ZNF75A: variants seen among roughly 807,000 people sequenced by gnomAD.
ZNF75A encodes zinc finger protein 75A.
ZNF75A carries 36 observed loss-of-function variants against 46.3 expected under a neutral mutation model. The observed-to-expected ratio is 0.78, with a 90% CI of 0.60 to 1.03. ZNF75A has a LOEUF of 1.03. ZNF75A is among the 50% of genes least tolerant of loss of function. ZNF75A has a pLI of 0.00. For synonymous variants in ZNF75A, 234 were observed against 189.9 expected, an observed-to-expected ratio of 1.23 and a Z score of -1.91; for missense variants, 595 against 551.3, an observed-to-expected ratio of 1.08 and a Z score of -0.79.
chr16:3,317,165 T>A, intron 6 of ZNF75A, 25 bp from the exon 7 acceptor site: 1 of 1,583,674 alleles, frequency 6.3e-7, no homozygotes, highest in Non-Finnish European at 8.6e-7. Flanking sequence ...GGGATACAGA[T>A]GTGTGATTAT....
downstream of ZNF75A, among the ~76,000 whole-genome samples, chr16:3,321,167 AAAATG>A (rs1260557356): frequency 1.3e-5 from 2 of 152,248 alleles, no homozygotes; most frequent in African/African-American, 2.4e-5. Flanking sequence ...GCTTGCTTTA[AAAATG>A]AAATGAGAGA....
At position 3,312,692 on chromosome 16, in the gene ZNF75A, A is replaced by G; in HGVS notation, c.620A>G (p.Gln207Arg). ...PVYERAVPTQ[Q>R]ILAFPEQTNT... is the part of the protein sequence containing the mutation. ...CCCCCCACAGCTGTGCCTACTCAAC[A>G]GATTCTAGCTTTTCCTGAGCAAACA... is the stretch of plus-strand genomic sequence containing the variant. The change falls in exon 4 of 7, where the codon CAG (glutamine) becomes CGG (arginine). Residue 207 changes from glutamine (Q) to arginine (R), a missense_variant. Transcript: ENST00000669516. The G allele has an allele frequency of 9.9e-7, 1 of 1,014,926 alleles. No homozygotes were observed. Among genetic ancestry groups the G allele is most frequent in the South Asian group, 4.2e-5 (1 of 24,090 alleles). The allele number at this position is 1,014,926 out of a possible 1,614,324, so 62.9% of individuals were successfully genotyped here.
chr16:3,322,569 T>A (rs565770242), downstream of ZNF75A, among the ~76,000 whole-genome samples: 51 of 152,326 alleles, frequency 3.3e-4, no homozygotes, highest in Admixed American at 3.1e-3. Flanking sequence ...CATTTCAGAT[T>A]TAAGAAAACT....
intron 5 of ZNF75A, among the ~76,000 whole-genome samples, chr16:3,314,510 A>G (rs1054251483): frequency 6.6e-6 from 1 of 152,190 alleles, no homozygotes; most frequent in Non-Finnish European, 1.5e-5. Flanking sequence ...TGTTAGCCCC[A>G]GAGGTTCTAC....
At chr16:3,320,258 A>C (rs1350562261), downstream of ZNF75A, among the ~76,000 whole-genome samples, 1 of 152,080 alleles carries the variant, frequency 6.6e-6, no homozygotes, top group Admixed American at 6.5e-5. Context: ...GTTAGCCAGG[A>C]TGGTCTTGGT....
chr16:3,311,217 T>C (rs57500518), intron 2 of ZNF75A, among the ~76,000 whole-genome samples: 4,900 of 151,910 alleles, frequency 0.032, 301 homozygotes, highest in African/African-American at 0.11. Context: ...GTGGGCAGAT[T>C]ACCTGAGTTT....
chr16:3,321,873 G>T (rs762455594), downstream of ZNF75A, among the ~76,000 whole-genome samples: 6 of 152,216 alleles, frequency 3.9e-5, no homozygotes, highest in Non-Finnish European at 8.8e-5. Context: ...GAACTACTGA[G>T]AACAGTGTTT....
Position 3,317,290 on chromosome 16 carries a change from A to G in ZNF75A, c.1035A>G (p.Val345=), listed in dbSNP as rs555731061. The change falls in exon 7 of 7, where the codon GTA becomes GTG. Residue 345 remains valine (V), a synonymous_variant. Coordinates refer to ENST00000669516, the MANE Select transcript of ZNF75A (RefSeq NM_001302109.2). ...SAGVISKKAK[V]KVPQKTAGKE... ...GCGTCATATCAAAAAAGGCCAAAGT[A>G]AAAGTTCCCCAGAAAACAGCAGGCA... The G allele has an allele frequency of 1.5e-5, 24 of 1,614,130 alleles. No homozygotes were observed. Among genetic ancestry groups the G allele is most frequent in the Admixed American group, 5.0e-5 (3 of 60,020 alleles).
At chr16:3,321,709 TC>T (rs2029952659), downstream of ZNF75A, among the ~76,000 whole-genome samples, 1 of 152,126 alleles carries the variant, frequency 6.6e-6, no homozygotes, top group African/African-American at 2.4e-5. Flanking sequence ...GCTCAAGTGA[TC>T]CTCCTGCATT....
chr16:3,306,762 G>T (rs1457987090), intron 1 of ZNF75A: 11 of 151,934 alleles, frequency 7.2e-5, no homozygotes, highest in African/African-American at 2.2e-4. Context: ...CCCTTTATGT[G>T]TGTTGCAAAG....
chr16:3,321,371 C>T (rs573756110), downstream of ZNF75A, among the ~76,000 whole-genome samples: 5 of 152,266 alleles, frequency 3.3e-5, no homozygotes, highest in South Asian at 2.1e-4. Flanking sequence ...TCATTGACCC[C>T]GTCTAGTCTC....
rs1961092345 is a variant in ZNF75A, at chr16:3,314,988, A to G, written c.823+1813A>G. On this transcript the variant is annotated intron_variant, in intron 5 of 6. Transcript: ENST00000669516. ...CAGGAGCTGGTTGATTCTCAACTAG[A>G]TAGTGTAGCGGAGGGTGTAGGTGGT... 5 of 985,220 alleles carry G rather than the reference A, an allele frequency of 5.1e-6. No homozygotes were observed. The East Asian group carries it at 3.4e-4, about 67-fold the overall frequency. The allele number at this position is 985,220 out of a possible 1,614,324, so 61.0% of individuals were successfully genotyped here.
Position 3,318,452 on chromosome 16 carries a change from G to A in ZNF75A, c.*583G>A. The A allele has an allele frequency of 7.1e-6, 7 of 985,432 alleles. No individual in the cohort carries two copies. Among genetic ancestry groups the A allele is most frequent in the Non-Finnish European group, 8.4e-6 (7 of 829,958 alleles). The allele number at this position is 985,432 out of a possible 1,614,324, so 61.0% of individuals were successfully genotyped here. A position where few individuals can be genotyped will look rare whatever the true frequency, so the allele number is the denominator to read the frequency against. On this transcript the variant is annotated 3_prime_UTR_variant, in exon 7 of 7. Transcript: ENST00000669516. ...ATGCACTGTCTTATGCCTCTCATTG[G>A]TGATGTTTGGAAAATAGAAGACATC...
chr16:3,315,206 T>G, intron 5 of ZNF75A: 1 of 573,924 alleles, frequency 1.7e-6, no homozygotes, highest in Non-Finnish European at 2.2e-6. Context: ...TTTTTTTTTT[T>G]TTTGAGATGG....
At position 3,311,760 on chromosome 16, in the gene ZNF75A, T is replaced by C; in HGVS notation, c.416T>C (p.Val139Ala). 3 of 1,050,210 alleles carry C rather than the reference T, an allele frequency of 2.9e-6. No homozygotes were observed. Among genetic ancestry groups the C allele is most frequent in the Non-Finnish European group, 3.5e-6 (3 of 862,906 alleles). 65.1% of individuals were successfully genotyped at this position (1,050,210 alleles called of 1,614,324 possible). The change falls in exon 3 of 7, where the codon GTC (valine) becomes GCC (alanine). Residue 139 changes from valine (V) to alanine (A), a missense_variant. Coordinates refer to ENST00000669516, the MANE Select transcript of ZNF75A (RefSeq NM_001302109.2). ...ESGQTWNGVAVHELGKEAVLL... is the reference protein window; with the variant it reads ...ESGQTWNGVAAHELGKEAVLL... ...GATGGGAATTATTTCTAGGTTGCAGTCCATGAGCTGGGAAAGGAGGCAGTG... is the reference window on the plus strand; with the variant it reads ...GATGGGAATTATTTCTAGGTTGCAGCCCATGAGCTGGGAAAGGAGGCAGTG...
At chr16:3,322,972 A>G (rs1477953737), downstream of ZNF75A, 1 of 980,852 alleles carries the variant, frequency 1.0e-6, no homozygotes, top group Non-Finnish European at 1.2e-6. Context: ...GCCAATGTAG[A>G]AAATGCTGGA....
At chr16:3,309,822 A>G (rs893180249) in intron 2 of ZNF75A, among the ~76,000 whole-genome samples, 4 of 151,818 alleles carry the variant, frequency 2.6e-5, no homozygotes, top group Admixed American at 2.6e-4. Context: ...AAAAGGAGAA[A>G]TTGGCCAGGT....
Position 3,308,500 on chromosome 16 carries a change from G to T in ZNF75A, c.72G>T (p.Gly24=), listed in dbSNP as rs1960457852. The T allele has an allele frequency of 4.9e-5, 48 of 985,730 alleles. No homozygotes were observed. Among genetic ancestry groups the T allele is most frequent in the Non-Finnish European group, 5.5e-5 (46 of 829,962 alleles). The allele number at this position is 985,730 out of a possible 1,614,324, so 61.1% of individuals were successfully genotyped here. A position where few individuals can be genotyped will look rare whatever the true frequency, so the allele number is the denominator to read the frequency against. The part of the protein sequence containing the change: ...PQIRALWETK[G]PARESSGQSK... ...TCAGGGCTTTGTGGGAGACCAAGGG[G>T]CCTGCAAGAGAGAGCTCCGGTCAGA... Residue 24 remains glycine, a synonymous_variant, in exon 2 of 7, where the codon GGG becomes GGT. Transcript: ENST00000669516.
At position 3,318,115 on chromosome 16, in the gene ZNF75A, A is replaced by C; in HGVS notation, c.*246A>C. 8.1e-7 allele frequency: 1 copy of C among 1,240,692 alleles called. No homozygotes were observed. Among genetic ancestry groups the C allele is most frequent in the Non-Finnish European group, 1.0e-6 (1 of 992,128 alleles). The allele number at this position is 1,240,692 out of a possible 1,614,324, so 76.9% of individuals were successfully genotyped here. A position where few individuals can be genotyped will look rare whatever the true frequency, so the allele number is the denominator to read the frequency against. ...AGTCATTTTTGAACACATCCAATAG[A>C]AACATTGGCAGCATGGTCTTCCAAA... On this transcript the variant is annotated 3_prime_UTR_variant, in exon 7 of 7. Coordinates refer to ENST00000669516, the MANE Select transcript of ZNF75A (RefSeq NM_001302109.2).
Sources: allele counts gnomAD v4.1 joint callset (sites outside exome capture counted in the v4.1 genomes callset), GRCh38; gene constraint gnomAD v4.1.1; transcripts MANE v1.5; gene names NCBI Gene and HGNC (gene_info 2026-07-23, HGNC 2026-07-21).